Variants in MIPOL1 observed in about 807,000 individuals in gnomAD.
The protein encoded by MIPOL1 is mirror-image polydactyly 1.
In MIPOL1, 57 loss-of-function variants were observed where a neutral mutation model predicts 60.9. That is an observed-to-expected ratio of 0.94 (90% CI 0.76 to 1.17). The LOEUF (loss-of-function observed/expected upper bound fraction) is 1.17, where lower values mean the gene tolerates loss of function less well. Among genes scored for constraint, MIPOL1 ranks in the 50% most tolerant of loss-of-function variants. The pLI is 0.00. For synonymous variants in MIPOL1, 179 were observed against 168.8 expected (o/e 1.06, Z -0.47); for missense variants, 551 against 511.6 (o/e 1.08, Z -0.74).
intron 1 of MIPOL1, among the ~76,000 whole-genome samples, chr14:37,228,952 T>C (rs1315773055): frequency 6.6e-6 from 1 of 152,124 alleles, no homozygotes; most frequent in Non-Finnish European, 1.5e-5. Flanking sequence ...TTTGATTTGG[T>C]AAAATAAGTA....
chr14:37,453,589 T>C (rs1484450772), intron 11 of MIPOL1, among the ~76,000 whole-genome samples: 1 of 152,182 alleles, frequency 6.6e-6, no homozygotes, highest in Non-Finnish European at 1.5e-5. Context: ...TTAAATGGAA[T>C]GGTAACTACC....
At chr14:37,291,914 AT>A (rs57230205) in intron 7 of MIPOL1, among the ~76,000 whole-genome samples, 3,257 of 92,872 alleles carry the variant, frequency 0.035, 95 homozygotes, top group African/African-American at 0.12. Context: ...AATGGCAATA[AT>A]TTTTTTTTTT....
intron 3 of MIPOL1, among the ~76,000 whole-genome samples, 200 bp downstream of exon 3, chr14:37,248,107 CAG>C (rs1429910158): frequency 1.3e-5 from 2 of 150,914 alleles, no homozygotes; most frequent in African/African-American, 4.9e-5. Flanking sequence ...GACATACACA[CAG>C]AGAGAAAGGG....
intron 1 of MIPOL1, among the ~76,000 whole-genome samples, chr14:37,236,138 C>G (rs1431530072): frequency 6.6e-6 from 1 of 152,006 alleles, no homozygotes; most frequent in East Asian, 1.9e-4. Context: ...GTTGCTTAGG[C>G]TGGTCTCGAA....
intron 3 of MIPOL1, among the ~76,000 whole-genome samples, chr14:37,264,517 A>G (rs1284348190): frequency 6.6e-6 from 1 of 151,824 alleles, no homozygotes; most frequent in Admixed American, 6.6e-5. Flanking sequence ...AGTCTCAACT[A>G]TTCGGGGGGC....
chr14:37,232,216 G>T (rs184275142), intron 1 of MIPOL1, among the ~76,000 whole-genome samples: 1 of 152,272 alleles, frequency 6.6e-6, no homozygotes, highest in African/African-American at 2.4e-5. Flanking sequence ...GTGAATACAA[G>T]TAATACCTAG....
At chr14:37,281,753 G>T (rs2084126608) in intron 6 of MIPOL1, among the ~76,000 whole-genome samples, 1 of 152,120 alleles carries the variant, frequency 6.6e-6, no homozygotes, top group African/African-American at 2.4e-5. Flanking sequence ...TTAAATGGTA[G>T]TTGCTTAAAA....
At chr14:37,382,405 C>T (rs552524713) in intron 10 of MIPOL1, among the ~76,000 whole-genome samples, 4 of 151,918 alleles carry the variant, frequency 2.6e-5, no homozygotes, top group Admixed American at 1.3e-4. Context: ...ACTTACTTTA[C>T]TAAGTATTTC....
At chr14:37,317,301 A>G (rs934872181) in intron 9 of MIPOL1, among the ~76,000 whole-genome samples, 37 of 152,354 alleles carry the variant, frequency 2.4e-4, no homozygotes, top group African/African-American at 8.9e-4. Flanking sequence ...CTTTGTTTCT[A>G]TATAAATGAA....
chr14:37,492,067 G>C (rs2095055163), intron 11 of MIPOL1, among the ~76,000 whole-genome samples: 1 of 152,134 alleles, frequency 6.6e-6, no homozygotes, highest in Admixed American at 6.5e-5. Flanking sequence ...GGCTGGTCTA[G>C]AACTCCTTGT....
chr14:37,334,835 A>G (rs1282729528), intron 9 of MIPOL1, among the ~76,000 whole-genome samples: 2 of 152,034 alleles, frequency 1.3e-5, no homozygotes, highest in Non-Finnish European at 2.9e-5. Context: ...GGCAGTATGT[A>G]TTAGTACTTT....
intron 9 of MIPOL1, among the ~76,000 whole-genome samples, chr14:37,339,014 A>G (rs961302810): frequency 2.6e-5 from 4 of 152,250 alleles, no homozygotes; most frequent in African/African-American, 9.6e-5. Context: ...AAAGCTCATC[A>G]AAAGCCAACA....
At chr14:37,413,820 C>G (rs973034900) in intron 10 of MIPOL1, among the ~76,000 whole-genome samples, 8 of 152,170 alleles carry the variant, frequency 5.3e-5, no homozygotes, top group African/African-American at 1.9e-4. Context: ...GGCTTTTTTA[C>G]TAGGCTGTTT....
At chr14:37,308,193 T>G (rs878984514) in intron 8 of MIPOL1, 104 bp downstream of exon 8, 1 of 1,254,346 alleles carries the variant, frequency 8.0e-7, no homozygotes, top group South Asian at 1.4e-5. Context: ...AAAAGAAGAA[T>G]TGACACACTA....
chr14:37,367,397 T>C (rs2092507432), intron 9 of MIPOL1, among the ~76,000 whole-genome samples: 2 of 152,202 alleles, frequency 1.3e-5, no homozygotes, highest in South Asian at 4.1e-4. Flanking sequence ...ACTTAGCATT[T>C]ATTTCTTGAG....
At chr14:37,454,180 C>T (rs962413864) in intron 11 of MIPOL1, among the ~76,000 whole-genome samples, 1 of 152,186 alleles carries the variant, frequency 6.6e-6, no homozygotes, top group Non-Finnish European at 1.5e-5. Context: ...TATATACTAG[C>T]TCTGCTCATG....
At chr14:37,435,482 C>CACTATACT (rs2094149482) in intron 11 of MIPOL1, among the ~76,000 whole-genome samples, 1 of 152,078 alleles carries the variant, frequency 6.6e-6, no homozygotes, top group Non-Finnish European at 1.5e-5. Flanking sequence ...GCTTACATGA[C>CACTATACT]ACTATACTGT....
intron 10 of MIPOL1, among the ~76,000 whole-genome samples, chr14:37,376,900 G>A (rs1461914122): frequency 6.6e-6 from 1 of 152,176 alleles, no homozygotes; most frequent in Non-Finnish European, 1.5e-5. Flanking sequence ...TTTCCCACCA[G>A]TAATGAATGA....
At chr14:37,474,191 A>C (rs76132295) in intron 11 of MIPOL1, among the ~76,000 whole-genome samples, 4,254 of 152,314 alleles carry the variant, frequency 0.028, 136 homozygotes, top group East Asian at 0.17. Flanking sequence ...GGTTGTTTCC[A>C]ATCTAGGGAA....
Sources: gnomAD v4.1 joint callset for allele counts (sites outside exome capture counted in the v4.1 genomes callset) on GRCh38, gnomAD v4.1.1 for gene constraint, MANE v1.5 for transcripts, NCBI Gene and HGNC (gene_info 2026-07-23, HGNC 2026-07-21) for gene names.